The following TNFRSF11B variants were observed in gnomAD, a reference collection of about 807,000 sequenced individuals.
TNFRSF11B encodes the protein TNF receptor superfamily member 11b, also known as tumor necrosis factor receptor superfamily member 11B.
Under a neutral mutation model 43.4 loss-of-function variants are expected in TNFRSF11B, and 16 were observed. That is an observed-to-expected ratio of 0.37 (90% confidence interval 0.25 to 0.56). TNFRSF11B has a LOEUF of 0.56. Among genes scored for constraint, TNFRSF11B ranks in the 20% least tolerant of loss-of-function variants. The pLI, the probability that TNFRSF11B is intolerant of heterozygous loss-of-function variation, is 0.80. For missense variants in TNFRSF11B, 444 were observed against 490.1 expected (o/e 0.91, Z 0.89); for synonymous variants, 185 against 181.8 (o/e 1.02, Z -0.14).
At chr8:118,940,058 T>G (rs1330980868) in intron 1 of TNFRSF11B, among the ~76,000 whole-genome samples, 1 of 152,138 alleles carries the variant, frequency 6.6e-6, no homozygotes, top group Non-Finnish European at 1.5e-5. Flanking sequence ...GAAACCATCA[T>G]TCTCAGCAAA....
chr8:118,924,207 A>G lies in TNFRSF11B; in HGVS notation c.*167T>C. On this transcript the variant is annotated 3_prime_UTR_variant, in exon 5 of 5. Transcript: ENST00000297350. ...TTAACCATTTGGGGTTTATTGGAGGAGATGTTAGTCCTTTCTCCACATCAT... is the reference window on the plus strand; with the variant it reads ...TTAACCATTTGGGGTTTATTGGAGGGGATGTTAGTCCTTTCTCCACATCAT... 2.9e-6 allele frequency: 2 copies of G among 678,756 alleles called. No individual in the cohort carries two copies. Among genetic ancestry groups the G allele is most frequent in the South Asian group, 3.6e-5 (2 of 56,250 alleles). 42.0% of individuals were successfully genotyped at this position (678,756 alleles called of 1,614,324 possible). A position where few individuals can be genotyped will look rare whatever the true frequency, so the allele number is the denominator to read the frequency against.
chr8:118,927,811 T>C (rs11573927), intron 3 of TNFRSF11B, among the ~76,000 whole-genome samples: 14,887 of 152,090 alleles, frequency 0.098, 857 homozygotes, highest in South Asian at 0.14. Flanking sequence ...CTGAGATTAG[T>C]CTAGTGGTGG....
rs1157084103 is a variant in TNFRSF11B at position 118,924,191 on chromosome 8, TG to T, written c.*182del. On this transcript the variant is annotated 3_prime_UTR_variant, in exon 5 of 5. Coordinates refer to ENST00000297350, the MANE Select transcript of TNFRSF11B (RefSeq NM_002546.4). ...AGATCTGACAGTTGGATTAACCATT[TG>T]GGGTTTATTGGAGGAGATGTTAGTC... The T allele has an allele frequency of 1.8e-5, 11 of 627,110 alleles. No homozygotes were observed. The highest frequency in any genetic ancestry group is 2.8e-5 in the Non-Finnish European group (10 of 356,040). The allele number at this position is 627,110 out of a possible 1,614,324, so 38.8% of individuals were successfully genotyped here.
intron 1 of TNFRSF11B, among the ~76,000 whole-genome samples, chr8:118,934,404 T>A (rs1812373968): frequency 6.6e-6 from 1 of 152,196 alleles, no homozygotes; most frequent in Admixed American, 6.5e-5. Flanking sequence ...AAAAACAATA[T>A]TAAGTAAATT....
At chr8:118,949,150 C>G (rs1812606210) in intron 1 of TNFRSF11B, among the ~76,000 whole-genome samples, 1 of 152,022 alleles carries the variant, frequency 6.6e-6, no homozygotes, top group African/African-American at 2.4e-5. Flanking sequence ...GACAACATCC[C>G]ATCCCTACCT....
At chr8:118,928,692 A>T in intron 3 of TNFRSF11B, 46 bp downstream of exon 3, 1 of 1,584,760 alleles carries the variant, frequency 6.3e-7, no homozygotes, top group Non-Finnish European at 8.7e-7. Context: ...AGAGAGAGAG[A>T]TGATACTACA....
In TNFRSF11B at chr8:118,924,773, C is replaced by G. The variant is rs370527215; in HGVS notation, c.818-11G>C. The stretch of plus-strand genomic sequence containing the variant: ...CACAGAGGTCAATATCTGCATAAAG[C>G]AAAAGCCCAGATAAGTGTTCACATC... On this transcript the variant is annotated splice_polypyrimidine_tract_variant and intron_variant, in intron 4 of 4. Coordinates refer to ENST00000297350, the MANE Select transcript of TNFRSF11B (RefSeq NM_002546.4). 132 of 1,614,000 alleles carry G rather than the reference C, an allele frequency of 8.2e-5. No homozygotes were observed. The Middle Eastern group carries it at 8.2e-4, about 10-fold the overall frequency.
chr8:118,932,248 G>T (rs1405451715), intron 2 of TNFRSF11B, among the ~76,000 whole-genome samples: 1 of 152,202 alleles, frequency 6.6e-6, no homozygotes, highest in Non-Finnish European at 1.5e-5. Flanking sequence ...ATACACATGA[G>T]CCCTGACCAA....
In TNFRSF11B at chr8:118,924,276, A is replaced by G. The variant is rs1208412047; in HGVS notation, c.*98T>C. The G allele has an allele frequency of 2.8e-6, 4 of 1,430,000 alleles. No homozygotes were observed. Among genetic ancestry groups the G allele is most frequent in the African/African-American group, 1.4e-5 (1 of 71,152 alleles). The allele number at this position is 1,430,000 out of a possible 1,614,324, so 88.6% of individuals were successfully genotyped here. A position where few individuals can be genotyped will look rare whatever the true frequency, so the allele number is the denominator to read the frequency against. ...GTGGCAAAATTAGTCACTGGTAATGAGAAAGATATCACTGAAAGCCTCAAG... is the reference window on the plus strand; with the variant it reads ...GTGGCAAAATTAGTCACTGGTAATGGGAAAGATATCACTGAAAGCCTCAAG... On this transcript the variant is annotated 3_prime_UTR_variant, in exon 5 of 5. Transcript: ENST00000297350.
chr8:118,943,011 G>A (rs1055678405), intron 1 of TNFRSF11B, among the ~76,000 whole-genome samples: 2 of 151,968 alleles, frequency 1.3e-5, no homozygotes, highest in Non-Finnish European at 2.9e-5. Flanking sequence ...TCATACTGGT[G>A]AATAAATGCT....
intron 1 of TNFRSF11B, among the ~76,000 whole-genome samples, chr8:118,936,691 G>T (rs1371117129): frequency 6.6e-6 from 1 of 151,992 alleles, no homozygotes; most frequent in African/African-American, 2.4e-5. Context: ...TGCCCAAGCT[G>T]GGACACATGC....
intron 1 of TNFRSF11B, among the ~76,000 whole-genome samples, chr8:118,935,553 A>G (rs1812392834): frequency 1.6e-5 from 2 of 126,258 alleles, no homozygotes; most frequent in Non-Finnish European, 3.7e-5. Context: ...TGAATATATA[A>G]TGGGACAACT....
At chr8:118,940,009 G>A (rs1812462009) in intron 1 of TNFRSF11B, among the ~76,000 whole-genome samples, 4 of 152,180 alleles carry the variant, frequency 2.6e-5, no homozygotes, top group Non-Finnish European at 1.5e-5. Flanking sequence ...CATAAAAAAG[G>A]ATAAGCTCAT....
Position 118,928,691 on chromosome 8 carries a change from G to A in TNFRSF11B, c.592+47C>T, listed in dbSNP as rs1812280833. 3 of 1,576,508 alleles carry A rather than the reference G, an allele frequency of 1.9e-6. No homozygotes were observed. The South Asian group carries it at 3.3e-5, about 18-fold the overall frequency. On this transcript the variant is annotated intron_variant, in intron 3 of 4. Coordinates refer to ENST00000297350, the MANE Select transcript of TNFRSF11B (RefSeq NM_002546.4). Reference sequence around the variant, plus strand: ...GCCTTGTGTTCAACTCAGAGAGAGAGATGATACTACAAAATCGTACAAAGA... The same window carrying A: ...GCCTTGTGTTCAACTCAGAGAGAGAAATGATACTACAAAATCGTACAAAGA...
chr8:118,942,899 GTCTA>G (rs1812508323), intron 1 of TNFRSF11B, among the ~76,000 whole-genome samples: 1 of 152,026 alleles, frequency 6.6e-6, no homozygotes, highest in Non-Finnish European at 1.5e-5. Context: ...ATGATTTACT[GTCTA>G]TCTATCCATC....
chr8:118,948,089 A>C (rs1358199520), intron 1 of TNFRSF11B, among the ~76,000 whole-genome samples: 1 of 152,222 alleles, frequency 6.6e-6, no homozygotes, highest in Non-Finnish European at 1.5e-5. Flanking sequence ...TTATTGTAAA[A>C]GTGCATGAAA....
At chr8:118,937,765 A>G (rs191622623) in intron 1 of TNFRSF11B, among the ~76,000 whole-genome samples, 3 of 152,196 alleles carry the variant, frequency 2.0e-5, no homozygotes, top group Non-Finnish European at 2.9e-5. Flanking sequence ...AGAAGGATCA[A>G]TTAGTTTCAA....
At chr8:118,927,145 T>C (rs1374851430) in intron 3 of TNFRSF11B, among the ~76,000 whole-genome samples, 1 of 152,204 alleles carries the variant, frequency 6.6e-6, no homozygotes, top group Non-Finnish European at 1.5e-5. Context: ...AGTGTGTTAT[T>C]TTTTGCCCAC....
chr8:118,935,552 A>C (rs1246886680), intron 1 of TNFRSF11B, among the ~76,000 whole-genome samples: 1 of 126,306 alleles, frequency 7.9e-6, no homozygotes, highest in East Asian at 2.1e-4. Flanking sequence ...TTGAATATAT[A>C]ATGGGACAAC....
Sources: gnomAD v4.1 joint callset for allele counts (sites outside exome capture counted in the v4.1 genomes callset) on GRCh38, gnomAD v4.1.1 for gene constraint, MANE v1.5 for transcripts, NCBI Gene and HGNC (gene_info 2026-07-23, HGNC 2026-07-21) for gene names.